Variants in SPTB observed in about 807,000 individuals in gnomAD.
SPTB encodes the protein spectrin beta, erythrocytic.
SPTB carries 45 observed loss-of-function variants against 256.2 expected under a neutral mutation model. The ratio of observed to expected loss-of-function variants is 0.18; its 90% CI spans 0.14 to 0.23. SPTB has a LOEUF of 0.23. Among genes scored for constraint, SPTB ranks in the 10% least tolerant of loss-of-function variants. The pLI is 1.00. For synonymous variants in SPTB, 1,231 were observed against 1,243.1 expected, an observed-to-expected ratio of 0.99 and a Z score of 0.21; for missense variants, 2,715 against 3,040.4, an observed-to-expected ratio of 0.89 and a Z score of 2.52.
intron 2 of SPTB, among the ~76,000 whole-genome samples, chr14:64,822,378 A>T (rs867597825): frequency 1.0e-4 from 11 of 109,962 alleles, no homozygotes; most frequent in East Asian, 2.9e-4. Context: ...TCTCTCTCAC[A>T]CACACACACA....
intron 1 of SPTB, among the ~76,000 whole-genome samples, chr14:64,838,462 C>T (rs753526729): frequency 1.2e-4 from 18 of 152,086 alleles, no homozygotes; most frequent in African/African-American, 1.7e-4. Context: ...ATACAAGCCA[C>T]GGACTAGCTG....
In SPTB at chr14:64,766,346, G is replaced by T; in HGVS notation, c.6345+380C>A. On this transcript the variant is annotated intron_variant, in intron 32 of 35. Coordinates refer to ENST00000644917, the MANE Select transcript of SPTB (RefSeq NM_001355436.2). ...GGGTGAGTACTGCCTAGAGGAAGGAGTTGGAAAATGGGGAAAAGGACGGTG... is the reference window on the plus strand; with the variant it reads ...GGGTGAGTACTGCCTAGAGGAAGGATTTGGAAAATGGGGAAAAGGACGGTG... The T allele has an allele frequency of 1.1e-5, 14 of 1,228,712 alleles. No homozygotes were observed. The South Asian group carries it at 2.5e-4, about 22-fold the overall frequency. 76.1% of individuals were successfully genotyped at this position (1,228,712 alleles called of 1,614,324 possible).
rs1028409695 is a variant in SPTB, at chr14:64,823,277, G to A, written c.-51-132C>T. The stretch of plus-strand genomic sequence containing the variant: ...AGAACGCCATGTCATCTGCCTGGGC[G>A]TGCTTCCTACCAGGGTCTCTGGGTC... On this transcript the variant is annotated intron_variant, in intron 1 of 35. Transcript: ENST00000644917. This position sits in a 1 kb window ranked among gnomAD's most constrained non-coding sequence, Gnocchi z 6.5. 8 of 713,750 alleles carry A rather than the reference G, an allele frequency of 1.1e-5. No homozygotes were observed. Among genetic ancestry groups the A allele is most frequent in the African/African-American group, 1.8e-5 (1 of 57,074 alleles). 44.2% of individuals were successfully genotyped at this position (713,750 alleles called of 1,614,324 possible).
chr14:64,749,543 G>T lies in SPTB; in HGVS notation c.6820-70C>A. On this transcript the variant is annotated intron_variant, in intron 35 of 35. Transcript: ENST00000644917. The surrounding 1 kb of genome is among the most constrained non-coding windows in gnomAD (Gnocchi z 4.7). ...CCCACCTCCCGGGCCAGGCAACAATGGTGGGGGCTCTTGGGACTGCCCCTT... is the reference window on the plus strand; with the variant it reads ...CCCACCTCCCGGGCCAGGCAACAATTGTGGGGGCTCTTGGGACTGCCCCTT... The T allele has an allele frequency of 6.2e-7, 1 of 1,601,490 alleles. No homozygotes were observed.
chr14:64,753,410 C>T (rs1490194658), intron 33 of SPTB, 127 bp downstream of exon 33: 4 of 1,440,740 alleles, frequency 2.8e-6, no homozygotes, highest in Non-Finnish European at 3.8e-6. Context: ...TGTCTAGGAG[C>T]TCTCACAGGC....
intron 8 of SPTB, 151 bp downstream of exon 8, chr14:64,800,605 A>G (rs1026318690): frequency 1.4e-6 from 1 of 732,458 alleles, no homozygotes; most frequent in Non-Finnish European, 2.5e-6. Flanking sequence ...TCAGCTCAGG[A>G]GCCATCAATG....
intron 28 of SPTB, 127 bp from the exon 29 acceptor site, chr14:64,769,245 G>C: frequency 1.0e-6 from 1 of 953,986 alleles, no homozygotes; most frequent in Non-Finnish European, 1.7e-6. Context: ...TCTTGGCCCA[G>C]CTGCTTGCCA....
rs2083389602 is a variant in SPTB, at chr14:64,827,295, C to A, written c.-51-4150G>T. On this transcript the variant is annotated intron_variant, in intron 1 of 35. Coordinates refer to ENST00000644917, the MANE Select transcript of SPTB (RefSeq NM_001355436.2). The surrounding 1 kb of genome is among the most constrained non-coding windows in gnomAD (Gnocchi z 4.6). ...GTGAGAAGCAACAAAGCACAAAGAT[C>A]TACTTCCGAAGTGGGAAACCGGGGG... Among the ~76,000 whole-genome samples the A allele has an allele frequency of 6.6e-6, 1 of 152,230 alleles. No individual in the cohort carries two copies. The highest frequency in any genetic ancestry group is 6.5e-5 in the Admixed American group (1 of 15,280).
rs1362857968 is a variant in SPTB, at chr14:64,773,315, G to A, written c.5083C>T (p.Leu1695Phe). The change falls in exon 25 of 36, where the codon CTC (leucine) becomes TTC (phenylalanine). Residue 1695 changes from leucine to phenylalanine, a missense_variant. This residue lies in a region of SPTB where 2,239 missense variants were observed against 2,384.4 expected (regional missense o/e 0.94). Transcript: ENST00000644917. Reference protein sequence around the residue: ...KLENMYHLFQLKRETDDLEQW... With the variant: ...KLENMYHLFQFKRETDDLEQW... ...TCCAGGTCGTCGGTCTCCCGCTTGA[G>A]CTGGAACAGGTGGTACATGTTCTCC... 13 of 1,614,138 alleles carry A rather than the reference G, an allele frequency of 8.1e-6. No individual in the cohort carries two copies. Among genetic ancestry groups the A allele is most frequent in the Non-Finnish European group, 8.5e-7 (1 of 1,180,060 alleles).
chr14:64,828,391 T>TG (rs1282137065), intron 1 of SPTB, among the ~76,000 whole-genome samples: 1 of 152,218 alleles, frequency 6.6e-6, no homozygotes, highest in African/African-American at 2.4e-5. Flanking sequence ...ATGTAGGGAC[T>TG]GGCCCATCAG....
At chr14:64,768,934 T>C in intron 29 of SPTB, 100 bp downstream of exon 29, 1 of 990,418 alleles carries the variant, frequency 1.0e-6, no homozygotes, top group South Asian at 1.3e-5. Flanking sequence ...GGCTCCTCTC[T>C]AGGCAGTAGT....
At position 64,779,892 on chromosome 14, in the gene SPTB, C is replaced by G; in HGVS notation, c.4306G>C (p.Gly1436Arg). 1 of 1,614,036 alleles carries G rather than the reference C, an allele frequency of 6.2e-7. No individual in the cohort carries two copies. ...GAAGGCACCTGGGCAAACAGCTCCC[C>G]CAGCTCCTCTTTTCGCACATTCACT... is the stretch of plus-strand genomic sequence containing the variant. ...DQVNVRKEELGELFAQVPSMG... is the reference protein window; with the variant it reads ...DQVNVRKEELRELFAQVPSMG... Residue 1436 changes from glycine to arginine, a missense_variant, in exon 21 of 36, where the codon GGG becomes CGG. By Grantham distance (125) the Gly-to-Arg change is moderately radical (BLOSUM62 -2). This residue lies in a region of SPTB where 2,239 missense variants were observed against 2,384.4 expected (regional missense o/e 0.94). Transcript: ENST00000644917. The surrounding 1 kb of genome is among the most constrained non-coding windows in gnomAD (Gnocchi z 4.2).
chr14:64,801,890 A>G, intron 5 of SPTB, 56 bp from the exon 6 acceptor site: 1 of 1,533,060 alleles, frequency 6.5e-7, no homozygotes, highest in Non-Finnish European at 9.0e-7. Flanking sequence ...AGTCCCAAAC[A>G]AGTGTACAAA....
chr14:64,770,436 T>A (rs2082261988), intron 27 of SPTB, among the ~76,000 whole-genome samples: 1 of 152,194 alleles, frequency 6.6e-6, no homozygotes, highest in African/African-American at 2.4e-5. Flanking sequence ...TGGTCTGATC[T>A]CTGCAGGGGC....
intron 2 of SPTB, among the ~76,000 whole-genome samples, chr14:64,809,356 T>C (rs2139656597): frequency 6.6e-6 from 1 of 151,836 alleles, no homozygotes; most frequent in Non-Finnish European, 1.5e-5. Context: ...TATTTATTTG[T>C]TTATTTTGAG....
At chr14:64,789,538 G>T (rs1449592762) in intron 15 of SPTB, among the ~76,000 whole-genome samples, 2 of 152,128 alleles carry the variant, frequency 1.3e-5, no homozygotes, top group African/African-American at 2.4e-5. Context: ...TTTCCATGGG[G>T]CGGTCAGCGG....
intron 1 of SPTB, among the ~76,000 whole-genome samples, chr14:64,849,950 C>T (rs2083755003): frequency 6.6e-6 from 1 of 152,162 alleles, no homozygotes; most frequent in African/African-American, 2.4e-5. Context: ...CTCATTCCAC[C>T]TGTGGCAGAG....
intron 1 of SPTB, among the ~76,000 whole-genome samples, chr14:64,872,003 A>C (rs1340280742): frequency 1.3e-5 from 2 of 152,270 alleles, no homozygotes; most frequent in Non-Finnish European, 1.5e-5. Context: ...TAAAAGTAAC[A>C]GTACAAAGTA....
chr14:64,783,970 CCTGGCA>C (rs2082516882), intron 19 of SPTB, among the ~76,000 whole-genome samples: 2 of 152,230 alleles, frequency 1.3e-5, no homozygotes, highest in Admixed American at 1.3e-4. Context: ...TAACTGCTGT[CCTGGCA>C]CTGGACACTG....
Sources: allele counts gnomAD v4.1 joint callset (sites outside exome capture counted in the v4.1 genomes callset), GRCh38; gene constraint gnomAD v4.1.1; regional missense constraint gnomAD v4.1.1; non-coding constraint Gnocchi (gnomAD v3.1); transcripts MANE v1.5; gene names NCBI Gene and HGNC (gene_info 2026-07-23, HGNC 2026-07-21).